The following LIN52 variants were observed in gnomAD, a reference collection of about 807,000 sequenced individuals.
The protein encoded by LIN52 is protein lin-52 homolog.
Under a neutral mutation model 18.5 loss-of-function variants are expected in LIN52, and 4 were observed. The observed-to-expected ratio is 0.22, with a 90% CI of 0.11 to 0.49. LIN52 has a LOEUF of 0.49. Among genes scored for constraint, LIN52 ranks in the 20% least tolerant of loss-of-function variants. The probability of loss-of-function intolerance (pLI) is 0.97; values close to 1 mark genes in which losing one functional copy is unlikely to be tolerated. For synonymous variants in LIN52, 34 were observed against 45.5 expected (o/e 0.75, Z 1.02); for missense variants, 102 against 139.5 (o/e 0.73, Z 1.35).
At position 74,116,830 on chromosome 14, in the gene LIN52, G is replaced by GT. The variant is rs773924970; in HGVS notation, c.283+15607dup. Among the ~76,000 whole-genome samples, 1,162 of 140,076 alleles carry GT rather than the reference G, an allele frequency of 8.3e-3. 7 individuals carry two copies. Among genetic ancestry groups the GT allele is most frequent in the African/African-American group, 0.018 (712 of 38,670 alleles). The allele number at this position is 140,076 out of a possible 152,430, so 91.9% of individuals were successfully genotyped here. A position where few individuals can be genotyped will look rare whatever the true frequency, so the allele number is the denominator to read the frequency against. On this transcript the variant is annotated intron_variant, in intron 5 of 5. Transcript: ENST00000555028. ...CAGAACATACAATTTTACAGCAGGTGTTTTTTTTTTTTTTTCTTTTGAGAG... is the reference window on the plus strand; with the variant it reads ...CAGAACATACAATTTTACAGCAGGTGTTTTTTTTTTTTTTTTCTTTTGAGAG...
chr14:74,167,858 T>C (rs989457899), intron 5 of LIN52, among the ~76,000 whole-genome samples: 4 of 152,128 alleles, frequency 2.6e-5, no homozygotes, highest in African/African-American at 9.7e-5. Context: ...CTTACAGTTA[T>C]TATATTCCAT....
chr14:74,148,524 G>A (rs1288174617), intron 5 of LIN52, among the ~76,000 whole-genome samples: 1 of 152,126 alleles, frequency 6.6e-6, no homozygotes, highest in African/African-American at 2.4e-5. Flanking sequence ...GGCTAAAGGT[G>A]TTTGGAAAAA....
chr14:74,129,104 G>C (rs2061045973), intron 5 of LIN52, among the ~76,000 whole-genome samples: 1 of 152,126 alleles, frequency 6.6e-6, no homozygotes, highest in Non-Finnish European at 1.5e-5. Flanking sequence ...AGTTTTAGTG[G>C]GATGGTGGAG....
At chr14:74,129,357 A>G (rs1323537106) in intron 5 of LIN52, among the ~76,000 whole-genome samples, 9 of 152,226 alleles carry the variant, frequency 5.9e-5, no homozygotes, top group Non-Finnish European at 1.0e-4. Context: ...GGTGAATCAA[A>G]TATAAGTAAG....
chr14:74,109,756 A>C (rs535962668), intron 5 of LIN52, among the ~76,000 whole-genome samples: 6 of 152,204 alleles, frequency 3.9e-5, no homozygotes, highest in Non-Finnish European at 8.8e-5. Flanking sequence ...CAGTTTGCTC[A>C]TTGCTACTAC....
intron 5 of LIN52, among the ~76,000 whole-genome samples, chr14:74,188,516 TA>T (rs1206574221): frequency 6.6e-6 from 1 of 151,818 alleles, no homozygotes; most frequent in South Asian, 2.1e-4. Context: ...AGGGTTCCAT[TA>T]AAAAAAATAA....
chr14:74,187,536 C>T (rs1417855720), intron 5 of LIN52, among the ~76,000 whole-genome samples: 1 of 152,070 alleles, frequency 6.6e-6, no homozygotes, highest in Non-Finnish European at 1.5e-5. Context: ...AATAAAACAA[C>T]TTCATTATCC....
chr14:74,119,741 A>G (rs1372611683), intron 5 of LIN52, among the ~76,000 whole-genome samples: 1 of 151,606 alleles, frequency 6.6e-6, no homozygotes, highest in African/African-American at 2.4e-5. Flanking sequence ...ACCTTTTTGT[A>G]TGTTTATTGG....
chr14:74,133,014 T>TAA (rs549007863), intron 5 of LIN52, among the ~76,000 whole-genome samples: 80 of 145,944 alleles, frequency 5.5e-4, no homozygotes, highest in African/African-American at 2.0e-3. Flanking sequence ...TCCATATCTT[T>TAA]AAAAAAAAAA....
At chr14:74,128,467 G>T (rs1414034857) in intron 5 of LIN52, among the ~76,000 whole-genome samples, 2 of 152,162 alleles carry the variant, frequency 1.3e-5, no homozygotes, top group Admixed American at 1.3e-4. Flanking sequence ...GCACCACTGG[G>T]CCAGTAATAG....
At chr14:74,133,200 T>G (rs1010373873) in intron 5 of LIN52, among the ~76,000 whole-genome samples, 8 of 152,254 alleles carry the variant, frequency 5.3e-5, no homozygotes, top group Non-Finnish European at 1.2e-4. Context: ...TCTACATTTC[T>G]GCTTTGCAGA....
At chr14:74,097,981 C>T (rs1449303201) in intron 4 of LIN52, 121 bp downstream of exon 4, 6 of 674,354 alleles carry the variant, frequency 8.9e-6, no homozygotes, top group Non-Finnish European at 1.5e-5. Context: ...ATTTAAACCT[C>T]CTTATTTGTA....
intron 5 of LIN52, among the ~76,000 whole-genome samples, chr14:74,193,311 G>A (rs1039787360): frequency 2.0e-5 from 3 of 151,906 alleles, no homozygotes; most frequent in African/African-American, 7.3e-5. Flanking sequence ...CTACTTAGGA[G>A]GCTGAGGCAG....
At chr14:74,144,410 A>G (rs558540020) in intron 5 of LIN52, among the ~76,000 whole-genome samples, 21 of 152,244 alleles carry the variant, frequency 1.4e-4, no homozygotes, top group Admixed American at 8.5e-4. Flanking sequence ...TACAGATGTG[A>G]GCCACTGTGC....
intron 5 of LIN52, among the ~76,000 whole-genome samples, chr14:74,131,128 T>C (rs974423101): frequency 6.6e-6 from 1 of 151,994 alleles, no homozygotes; most frequent in Non-Finnish European, 1.5e-5. Flanking sequence ...CTATTGTCTA[T>C]TTGCCTTCTA....
intron 1 of LIN52, among the ~76,000 whole-genome samples, chr14:74,089,747 G>A (rs904282632): frequency 6.6e-6 from 1 of 152,142 alleles, no homozygotes; most frequent in Non-Finnish European, 1.5e-5. Context: ...TCTTTAGAAA[G>A]GTTGGGAATG....
At position 74,201,123 on chromosome 14, in the gene LIN52, T is replaced by C. The variant is rs995527308; in HGVS notation, c.*2146T>C. The C allele has an allele frequency of 6.6e-6, 1 of 152,248 alleles. No homozygotes were observed. The highest frequency in any genetic ancestry group is 1.5e-5 in the Non-Finnish European group (1 of 68,044). The allele number at this position is 152,248 out of a possible 1,614,324, so 9.4% of individuals were successfully genotyped here. On this transcript the variant is annotated 3_prime_UTR_variant, in exon 6 of 6. Coordinates refer to ENST00000555028, the MANE Select transcript of LIN52 (RefSeq NM_001024674.3). ...AAATGTTAATGATGTATTTTTATAT[T>C]GATAATATAAATTTATGTACAGTAT...
intron 5 of LIN52, among the ~76,000 whole-genome samples, chr14:74,142,536 A>C (rs2139954584): frequency 6.6e-6 from 1 of 152,164 alleles, no homozygotes; most frequent in Middle Eastern, 3.4e-3. Context: ...GTAGCCACTA[A>C]CTGCATGTGT....
intron 5 of LIN52, among the ~76,000 whole-genome samples, chr14:74,172,743 C>T (rs532874317): frequency 6.0e-4 from 91 of 152,272 alleles, no homozygotes; most frequent in African/African-American, 2.1e-3. Context: ...TAATAAAATA[C>T]GAATGTAGTT....
Sources: gnomAD v4.1 joint callset for allele counts (sites outside exome capture counted in the v4.1 genomes callset) on GRCh38, gnomAD v4.1.1 for gene constraint, MANE v1.5 for transcripts, NCBI Gene and HGNC (gene_info 2026-07-23, HGNC 2026-07-21) for gene names.